UBE2W: variants seen among roughly 807,000 people sequenced by gnomAD.
UBE2W encodes ubiquitin conjugating enzyme E2 W.
UBE2W carries 18 observed loss-of-function variants against 27.2 expected under a neutral mutation model. The observed-to-expected ratio is 0.66, with a 90% CI of 0.46 to 0.98. UBE2W has a LOEUF of 0.98. UBE2W is among the 50% of genes least tolerant of loss of function. The pLI is 0.00. For missense variants in UBE2W, 90 were observed against 180.2 expected (o/e 0.50, Z 2.87); for synonymous variants, 53 against 57.2 (o/e 0.93, Z 0.33).
intron 3 of UBE2W, among the ~76,000 whole-genome samples, chr8:73,819,396 T>C (rs933958101): frequency 6.6e-6 from 1 of 152,178 alleles, no homozygotes; most frequent in Admixed American, 6.5e-5. Flanking sequence ...CCTCAAGAAA[T>C]ACGGAATGAA....
intron 4 of UBE2W, among the ~76,000 whole-genome samples, chr8:73,809,140 G>A (rs1024084466): frequency 6.6e-6 from 1 of 152,004 alleles, no homozygotes; most frequent in Admixed American, 6.6e-5. Context: ...GTGTGTTGGG[G>A]GTGGGTGAGA....
rs1162394248 is a variant in UBE2W at position 73,810,599 on chromosome 8, G to A, written c.241C>T (p.His81Tyr). The A allele has an allele frequency of 6.2e-7, 1 of 1,605,102 alleles. No individual in the cohort carries two copies. The highest frequency in any genetic ancestry group is 1.7e-5 in the Admixed American group (1 of 58,256). ...VMFTGENIPV[H>Y]PHVYSNGHIC... The stretch of plus-strand genomic sequence containing the variant: ...TGACCATTGCTATAAACATGAGGAT[G>A]AACAGGAATATTTTCACCAGTAAAC... Residue 81 changes from histidine (H) to tyrosine (Y), a missense_variant, in exon 4 of 6, where the codon CAT becomes TAT. By Grantham distance (83) the His-to-Tyr change is moderately conservative. Transcript: ENST00000602593.
intron 5 of UBE2W, among the ~76,000 whole-genome samples, chr8:73,795,224 T>C (rs1018179016): frequency 4.6e-5 from 7 of 152,122 alleles, no homozygotes; most frequent in Admixed American, 3.9e-4. Flanking sequence ...TTGAAATGAG[T>C]GATCCCCCAT....
intron 1 of UBE2W, among the ~76,000 whole-genome samples, chr8:73,840,187 G>T (rs1810481561): frequency 6.6e-6 from 1 of 152,084 alleles, no homozygotes; most frequent in African/African-American, 2.4e-5. Context: ...CTCCTGAGTA[G>T]CTGGGACTAC....
At chr8:73,830,542 GT>G (rs1202906428) in intron 1 of UBE2W, 70 bp from the exon 2 acceptor site, 2 of 1,229,804 alleles carry the variant, frequency 1.6e-6, no homozygotes, top group Non-Finnish European at 2.4e-6. Context: ...TTGGAGTACA[GT>G]GGTGTGATCA....
chr8:73,810,276 T>C (rs574383099), intron 4 of UBE2W, among the ~76,000 whole-genome samples, 198 bp downstream of exon 4: 17 of 152,334 alleles, frequency 1.1e-4, no homozygotes, highest in African/African-American at 3.8e-4. Context: ...TTCTACCCCA[T>C]TCAACATGTA....
downstream of UBE2W, among the ~76,000 whole-genome samples, chr8:73,785,455 A>AATAAT (rs1305205788): frequency 6.6e-6 from 1 of 152,096 alleles, no homozygotes; most frequent in Non-Finnish European, 1.5e-5. Context: ...TGACAGTATT[A>AATAAT]AAGAAAATAA....
At position 73,791,486 on chromosome 8, in the gene UBE2W, G is replaced by A; in HGVS notation, c.*2616C>T. 1.0e-6 allele frequency: 1 copy of A among 985,216 alleles called. No individual in the cohort carries two copies. Among genetic ancestry groups the A allele is most frequent in the Middle Eastern group, 5.2e-4 (1 of 1,914 alleles). The allele number at this position is 985,216 out of a possible 1,614,324, so 61.0% of individuals were successfully genotyped here. A position where few individuals can be genotyped will look rare whatever the true frequency, so the allele number is the denominator to read the frequency against. ...AATAGTGCCCCACGAGGAAATGCAG[G>A]GAGGAGGCAAGTAGCATATTCCTAT... is the stretch of plus-strand genomic sequence containing the variant. On this transcript the variant is annotated 3_prime_UTR_variant, in exon 6 of 6. Transcript: ENST00000602593.
Position 73,787,234 on chromosome 8 carries a change from G to A in UBE2W, c.*6868C>T, listed in dbSNP as rs1036623781. The stretch of plus-strand genomic sequence containing the variant: ...AGTGGCTTTGAGCTTTGTTGTCCAA[G>A]TACACAAAACTCTTAGCTGTCTCAC... On this transcript the variant is annotated 3_prime_UTR_variant, in exon 6 of 6. Transcript: ENST00000602593. 2 of 985,296 alleles carry A rather than the reference G, an allele frequency of 2.0e-6. No homozygotes were observed. The highest frequency in any genetic ancestry group is 1.7e-5 in the African/African-American group (1 of 57,234). The allele number at this position is 985,296 out of a possible 1,614,324, so 61.0% of individuals were successfully genotyped here. A position where few individuals can be genotyped will look rare whatever the true frequency, so the allele number is the denominator to read the frequency against.
chr8:73,821,602 C>T (rs1371505173), intron 3 of UBE2W, among the ~76,000 whole-genome samples: 6 of 139,010 alleles, frequency 4.3e-5, no homozygotes, highest in Non-Finnish European at 9.1e-5. Context: ...TGGTATGTAA[C>T]CAGTGAGATA....
At chr8:73,806,735 A>G (rs1373475520) in intron 4 of UBE2W, among the ~76,000 whole-genome samples, 1 of 152,162 alleles carries the variant, frequency 6.6e-6, no homozygotes, top group East Asian at 1.9e-4. Flanking sequence ...AAAGTCTACT[A>G]AACTAGATTT....
intron 4 of UBE2W, among the ~76,000 whole-genome samples, chr8:73,809,124 G>A (rs1586461307): frequency 6.6e-6 from 1 of 151,906 alleles, no homozygotes; most frequent in East Asian, 1.9e-4. Context: ...AGTTTAAAAC[G>A]TGTGTGTGTG....
intron 1 of UBE2W, among the ~76,000 whole-genome samples, chr8:73,853,536 G>C (rs1189456695): frequency 1.3e-5 from 2 of 152,112 alleles, no homozygotes; most frequent in Admixed American, 1.3e-4. Context: ...ACTGGGATTA[G>C]AGATGTGAAC....
intron 1 of UBE2W, among the ~76,000 whole-genome samples, chr8:73,834,332 A>T (rs539708561): frequency 7.2e-4 from 110 of 152,320 alleles, no homozygotes; most frequent in Middle Eastern, 6.8e-3. Context: ...ACAAGGTTTT[A>T]ATTATTTTCT....
At position 73,788,437 on chromosome 8, in the gene UBE2W, C is replaced by CTTCA; in HGVS notation, c.*5664_*5665insTGAA. 1 of 985,324 alleles carries CTTCA rather than the reference C, an allele frequency of 1.0e-6. No homozygotes were observed. The highest frequency in any genetic ancestry group is 1.2e-6 in the Non-Finnish European group (1 of 829,912). 61.0% of individuals were successfully genotyped at this position (985,324 alleles called of 1,614,324 possible). ...CTAAAACAAACAAATTCATTTTGAC[C>CTTCA]TGAACATGCATTTAGTTTTTGGCTA... On this transcript the variant is annotated 3_prime_UTR_variant, in exon 6 of 6. Transcript: ENST00000602593.
chr8:73,781,415 T>C (rs1807840189), downstream of UBE2W, among the ~76,000 whole-genome samples: 1 of 152,096 alleles, frequency 6.6e-6, no homozygotes, highest in Admixed American at 6.6e-5. Flanking sequence ...CACTTACTAA[T>C]TGACTATATA....
At chr8:73,868,818 C>CA (rs1320976524) in intron 1 of UBE2W, among the ~76,000 whole-genome samples, 1 of 151,964 alleles carries the variant, frequency 6.6e-6, no homozygotes, top group African/African-American at 2.4e-5. Context: ...AGTTAAAACA[C>CA]AGAGTTACTG....
At chr8:73,813,191 A>T (rs1460439457) in intron 3 of UBE2W, among the ~76,000 whole-genome samples, 1 of 151,856 alleles carries the variant, frequency 6.6e-6, no homozygotes, top group African/African-American at 2.4e-5. Context: ...TTACTACATC[A>T]TGTTTCACCC....
At chr8:73,794,886 AAAT>A (rs1366894500) in intron 5 of UBE2W, among the ~76,000 whole-genome samples, 2 of 151,464 alleles carry the variant, frequency 1.3e-5, no homozygotes, top group Non-Finnish European at 1.5e-5. Context: ...AAAAAAAAGA[AAAT>A]AAGCTTTCAG....
Sources: gnomAD v4.1 joint callset for allele counts (sites outside exome capture counted in the v4.1 genomes callset) on GRCh38, gnomAD v4.1.1 for gene constraint, MANE v1.5 for transcripts, NCBI Gene and HGNC (gene_info 2026-07-23, HGNC 2026-07-21) for gene names.